Variants in ARHGEF33 observed in about 807,000 individuals in gnomAD.
ARHGEF33 encodes the protein Rho guanine nucleotide exchange factor 33.
A neutral mutation model predicts 101.9 loss-of-function variants in ARHGEF33; 72 were observed. The observed-to-expected ratio is 0.71, with a 90% CI of 0.58 to 0.86. The LOEUF (loss-of-function observed/expected upper bound fraction) is 0.86. Ranked by LOEUF, ARHGEF33 falls within the 40% of genes least tolerant of loss-of-function variation. The pLI is 0.00. For synonymous variants in ARHGEF33, 499 were observed against 442.5 expected, an observed-to-expected ratio of 1.13 and a Z score of -1.60; for missense variants, 1,169 against 1,111.3, an observed-to-expected ratio of 1.05 and a Z score of -0.74.
chr2:38,964,466 A>G (rs1211246168), intron 16 of ARHGEF33, among the ~76,000 whole-genome samples: 1 of 151,540 alleles, frequency 6.6e-6, no homozygotes, highest in East Asian at 1.9e-4. Context: ...GCTAATGTTA[A>G]TCTGTATTTG....
At chr2:38,951,328 G>C (rs1465467818) in intron 11 of ARHGEF33, among the ~76,000 whole-genome samples, 1 of 152,222 alleles carries the variant, frequency 6.6e-6, no homozygotes, top group East Asian at 1.9e-4. Flanking sequence ...TAGCTAGGTA[G>C]TTGGAGATGT....
At position 38,937,081 on chromosome 2, in the gene ARHGEF33, G is replaced by A. The variant is rs1484145749; in HGVS notation, c.566-254G>A. 2.4e-5 allele frequency: 7 copies of A among 291,506 alleles called. No homozygotes were observed. In the East Asian group the frequency reaches 3.0e-4, roughly 12 times the overall value. 18.1% of individuals were successfully genotyped at this position (291,506 alleles called of 1,614,324 possible). On this transcript the variant is annotated intron_variant, in intron 8 of 17. Coordinates refer to ENST00000409978, the MANE Select transcript of ARHGEF33 (RefSeq NM_001145451.5). ...GCGATCTCGGCTCACTGCAACCTCT[G>A]CCTCCTGGGTTCAAGCGATTCTCCT...
intron 13 of ARHGEF33, 149 bp from the exon 14 acceptor site, chr2:38,956,750 G>C: frequency 6.3e-6 from 6 of 945,148 alleles, no homozygotes; most frequent in African/African-American, 1.7e-5. Flanking sequence ...ACCTTTCAGC[G>C]TATAATTAGA....
intron 9 of ARHGEF33, among the ~76,000 whole-genome samples, chr2:38,943,383 A>C (rs1667361845): frequency 6.6e-6 from 1 of 152,176 alleles, no homozygotes; most frequent in Admixed American, 6.5e-5. Flanking sequence ...GGGAAGTCTC[A>C]CTGTTCAGTA....
chr2:38,962,588 C>G (rs1016186602), intron 16 of ARHGEF33, among the ~76,000 whole-genome samples: 3 of 152,030 alleles, frequency 2.0e-5, no homozygotes, highest in African/African-American at 4.8e-5. Flanking sequence ...AATGAGATAC[C>G]AAGGAAATTG....
Position 38,974,712 on chromosome 2 carries a change from T to G in ARHGEF33, c.*869T>G, listed in dbSNP as rs915394721. On this transcript the variant is annotated 3_prime_UTR_variant, in exon 18 of 18. Coordinates refer to ENST00000409978, the MANE Select transcript of ARHGEF33 (RefSeq NM_001145451.5). ...TTTAGCCACATCTTGTTAAAAAGAC[T>G]TTCTGCAGCCTGAAAAGAAGGTGGC... 1.3e-5 allele frequency: 2 copies of G among 152,220 alleles called. No homozygotes were observed. Among genetic ancestry groups the G allele is most frequent in the African/African-American group, 2.4e-5 (1 of 41,444 alleles). 9.4% of individuals were successfully genotyped at this position (152,220 alleles called of 1,614,324 possible).
At chr2:38,941,391 C>A (rs1049411529) in intron 9 of ARHGEF33, among the ~76,000 whole-genome samples, 3 of 152,114 alleles carry the variant, frequency 2.0e-5, no homozygotes, top group Admixed American at 6.5e-5. Flanking sequence ...TTGCAAAATG[C>A]TTTCACATAG....
intron 10 of ARHGEF33, among the ~76,000 whole-genome samples, chr2:38,946,813 A>T (rs1667463207): frequency 6.6e-6 from 1 of 152,114 alleles, no homozygotes; most frequent in Non-Finnish European, 1.5e-5. Flanking sequence ...TTTAGTAGAG[A>T]TTAGGTTTCA....
In ARHGEF33 at chr2:38,960,611, C is replaced by T. The variant is rs1409172352; in HGVS notation, c.2306C>T (p.Ser769Phe). The T allele has an allele frequency of 1.4e-6, 2 of 1,419,268 alleles. No homozygotes were observed. The highest frequency in any genetic ancestry group is 2.4e-5 in the Admixed American group (1 of 41,986). The allele number at this position is 1,419,268 out of a possible 1,614,324, so 87.9% of individuals were successfully genotyped here. A position where few individuals can be genotyped will look rare whatever the true frequency, so the allele number is the denominator to read the frequency against. ...AGGACCTTCTTCCCCCAACAGAGGT[C>T]CCAAAGCGAAAAACAGACCTATTTG... ...ASRTFFPQQR[S>F]QSEKQTYLEV... Residue 769 changes from serine to phenylalanine, a missense_variant, in exon 16 of 18, where the codon TCC (serine) becomes TTC (phenylalanine). Transcript: ENST00000409978.
At chr2:38,895,973 A>G (rs1469402206) in intron 2 of ARHGEF33, 124 bp downstream of exon 2, 3 of 152,228 alleles carry the variant, frequency 2.0e-5, no homozygotes, top group African/African-American at 7.2e-5. Context: ...TTTTATAACC[A>G]TTCTTGGTTT....
Position 38,960,555 on chromosome 2 carries a change from C to A in ARHGEF33, c.2250C>A (p.Ala750=), listed in dbSNP as rs1012444414. 7 of 1,268,352 alleles carry A rather than the reference C, an allele frequency of 5.5e-6. No homozygotes were observed. In the African/African-American group the frequency reaches 6.4e-5, roughly 12 times the overall value. The allele number at this position is 1,268,352 out of a possible 1,614,324, so 78.6% of individuals were successfully genotyped here. A position where few individuals can be genotyped will look rare whatever the true frequency, so the allele number is the denominator to read the frequency against. Residue 750 remains alanine, a synonymous_variant, in exon 16 of 18, where the codon GCC becomes GCA. Coordinates refer to ENST00000409978, the MANE Select transcript of ARHGEF33 (RefSeq NM_001145451.5). ...GCGCCGCGCAGGCGCACGGCCCGGC[C>A]GCCGCCGCCGTCGCCGCCCGCGGCG... ...AERAAQAHGP[A]AAAVAARGAS...
intron 1 of ARHGEF33, among the ~76,000 whole-genome samples, chr2:38,892,178 T>G (rs1572734536): frequency 6.6e-6 from 1 of 152,204 alleles, no homozygotes; most frequent in East Asian, 1.9e-4. Context: ...TTTGGATTTG[T>G]CTTTGGGGCC....
chr2:38,929,662 T>G, intron 5 of ARHGEF33, 47 bp from the exon 6 acceptor site: 1 of 1,515,444 alleles, frequency 6.6e-7, no homozygotes, highest in Non-Finnish European at 8.9e-7. Flanking sequence ...TGTTATATAC[T>G]TTTACCCCAT....
chr2:38,921,005 C>G (rs1666745031), intron 3 of ARHGEF33, among the ~76,000 whole-genome samples: 2 of 152,158 alleles, frequency 1.3e-5, no homozygotes, highest in East Asian at 3.9e-4. Context: ...GCCTTCCTGA[C>G]TGTAGAACTG....
At chr2:38,965,324 C>T (rs1373220692) in intron 16 of ARHGEF33, among the ~76,000 whole-genome samples, 1 of 152,228 alleles carries the variant, frequency 6.6e-6, no homozygotes, top group East Asian at 1.9e-4. Context: ...CTATTTAGCA[C>T]ATCTCACACT....
rs746883362 is a variant in ARHGEF33, at chr2:38,931,188, C to T, written c.442C>T (p.Pro148Ser). 81 of 1,551,452 alleles carry T rather than the reference C, an allele frequency of 5.2e-5. No individual in the cohort carries two copies. Among genetic ancestry groups the T allele is most frequent in the Non-Finnish European group, 6.7e-5 (77 of 1,146,870 alleles). ...QGSPFRSINI[P>S]EPVLPSEDFT... ...AAGTCCTTTTCGTTCTATCAATATC[C>T]CTGAGCCTGTTCTTCCAAGCGAAGA... Residue 148 changes from proline to serine, a missense_variant, in exon 7 of 18, where the codon CCT becomes TCT. Coordinates refer to ENST00000409978, the MANE Select transcript of ARHGEF33 (RefSeq NM_001145451.5).
chr2:38,960,914 C>T (rs1262382585), intron 16 of ARHGEF33, among the ~76,000 whole-genome samples: 2 of 152,116 alleles, frequency 1.3e-5, no homozygotes, highest in Non-Finnish European at 2.9e-5. Flanking sequence ...ATATGGTACA[C>T]GAGGGATGGC....
At chr2:38,932,731 C>G (rs1352817707) in intron 7 of ARHGEF33, among the ~76,000 whole-genome samples, 1 of 152,168 alleles carries the variant, frequency 6.6e-6, no homozygotes, top group Non-Finnish European at 1.5e-5. Flanking sequence ...CATGTTTAGA[C>G]AATGTGTAAC....
At chr2:38,928,674 C>A in intron 4 of ARHGEF33, 1 of 302,052 alleles carries the variant, frequency 3.3e-6, no homozygotes, top group Non-Finnish European at 6.1e-6. Context: ...TAACAGCTTG[C>A]TTTCTTGTCA....
Sources: allele counts gnomAD v4.1 joint callset (sites outside exome capture counted in the v4.1 genomes callset), GRCh38; gene constraint gnomAD v4.1.1; transcripts MANE v1.5; gene names NCBI Gene and HGNC (gene_info 2026-07-23, HGNC 2026-07-21).